Variants in VPS13C observed in about 807,000 individuals in gnomAD.
VPS13C encodes intermembrane lipid transfer protein VPS13C.
VPS13C carries 358 observed loss-of-function variants against 456.8 expected under a neutral mutation model. The ratio of observed to expected loss-of-function variants is 0.78; its 90% confidence interval spans 0.72 to 0.86. The LOEUF (loss-of-function observed/expected upper bound fraction) is 0.86, where lower values mean the gene tolerates loss of function less well. Among genes scored for constraint, VPS13C ranks in the 40% least tolerant of loss-of-function variants. VPS13C has a pLI of 0.00. For synonymous variants in VPS13C, 1,578 were observed against 1,486.7 expected, an observed-to-expected ratio of 1.06 and a Z score of -1.41; for missense variants, 4,818 against 4,385.4, an observed-to-expected ratio of 1.10 and a Z score of -2.79.
At chr15:61,941,354 ACT>A (rs2044417611) in intron 46 of VPS13C, among the ~76,000 whole-genome samples, 1 of 152,210 alleles carries the variant, frequency 6.6e-6, no homozygotes, top group South Asian at 2.1e-4. Context: ...CCTTTCGATA[ACT>A]CACTGAAAAT....
chr15:61,881,081 A>AC, intron 71 of VPS13C, 127 bp from the exon 72 acceptor site: 1 of 752,640 alleles, frequency 1.3e-6, no homozygotes, highest in East Asian at 2.9e-5. Flanking sequence ...AATTATGTTA[A>AC]TAAGATCAAA....
At chr15:62,013,224 C>A in intron 10 of VPS13C, 105 bp from the exon 11 acceptor site, 1 of 665,760 alleles carries the variant, frequency 1.5e-6, no homozygotes, top group Non-Finnish European at 2.3e-6. Context: ...ACCCAAATGC[C>A]ATTTTGAATT....
chr15:61,987,679 T>C (rs901067273), intron 18 of VPS13C, among the ~76,000 whole-genome samples: 2 of 152,102 alleles, frequency 1.3e-5, no homozygotes, highest in Non-Finnish European at 2.9e-5. Flanking sequence ...AAATGCAAAT[T>C]AAAACCACAG....
chr15:61,865,330 A>G lies in VPS13C; in HGVS notation c.10864-1802T>C, dbSNP rs1894465100. ...GTTAGTAGAATAATTTAATGTCATG[A>G]ATTAAGACGAGATAAAAACACAATG... On this transcript the variant is annotated intron_variant, in intron 81 of 84. Coordinates refer to ENST00000644861, the MANE Select transcript of VPS13C (RefSeq NM_020821.3). The G allele has an allele frequency of 8.2e-6, 8 of 979,302 alleles. No homozygotes were observed. The South Asian group carries it at 3.3e-4, about 41-fold the overall frequency. 60.7% of individuals were successfully genotyped at this position (979,302 alleles called of 1,614,324 possible). A position where few individuals can be genotyped will look rare whatever the true frequency, so the allele number is the denominator to read the frequency against.
At chr15:61,974,206 T>C (rs768841254) in intron 25 of VPS13C, 82 bp downstream of exon 25, 11 of 1,373,276 alleles carry the variant, frequency 8.0e-6, no homozygotes, top group East Asian at 2.5e-5. Context: ...CTTTCACTTA[T>C]AAACCTTGCC....
intron 24 of VPS13C, among the ~76,000 whole-genome samples, chr15:61,975,458 C>T (rs1481606835): frequency 6.6e-6 from 1 of 151,948 alleles, no homozygotes; most frequent in Non-Finnish European, 1.5e-5. Flanking sequence ...ACAGATTCTT[C>T]GTGTATTAAA....
At chr15:61,917,749 C>T in intron 59 of VPS13C, 114 bp from the exon 60 acceptor site, 3 of 1,158,172 alleles carry the variant, frequency 2.6e-6, no homozygotes, top group Admixed American at 3.0e-5. Context: ...CCTGTTTTTA[C>T]AGATATACAG....
intron 61 of VPS13C, among the ~76,000 whole-genome samples, chr15:61,914,908 A>C (rs1385927420): frequency 1.4e-5 from 2 of 142,122 alleles, no homozygotes; most frequent in African/African-American, 2.6e-5. Context: ...AAAAAAAAAA[A>C]ACCTTTAGGT....
rs1895378636 is a variant in VPS13C, at chr15:61,875,821, C to A, written c.10249G>T (p.Val3417Leu). 6.3e-7 allele frequency: 1 copy of A among 1,599,250 alleles called. No individual in the cohort carries two copies. Among genetic ancestry groups the A allele is most frequent in the Non-Finnish European group, 8.5e-7 (1 of 1,175,278 alleles). The stretch of plus-strand genomic sequence containing the variant: ...TTTCCAAGTACATCTAACCCCAATA[C>A]AAGGACATACATCTGTTTCAAGAAC... ...EQFLKQMYVL[V>L]LGLDVLGNPF... is the part of the protein sequence containing the mutation. Residue 3417 changes from valine (V) to leucine (L), a missense_variant, in exon 76 of 85, where the codon GTA becomes TTA. Coordinates refer to ENST00000644861, the MANE Select transcript of VPS13C (RefSeq NM_020821.3).
chr15:61,964,029 A>T (rs2045301506), intron 31 of VPS13C, 78 bp from the exon 32 acceptor site: 5 of 849,368 alleles, frequency 5.9e-6, no homozygotes, highest in Non-Finnish European at 9.2e-6. Context: ...TCGCTATATT[A>T]AGTGAACCAC....
intron 79 of VPS13C, among the ~76,000 whole-genome samples, chr15:61,870,248 A>C (rs1051308460): frequency 1.3e-5 from 2 of 151,416 alleles, no homozygotes; most frequent in Non-Finnish European, 2.9e-5. Context: ...GCCTCTCCCC[A>C]CCAAATCTTA....
At chr15:62,054,957 G>A (rs773520851) in intron 1 of VPS13C, among the ~76,000 whole-genome samples, 11 of 152,126 alleles carry the variant, frequency 7.2e-5, no homozygotes, top group African/African-American at 1.9e-4. Flanking sequence ...TACAGATTAC[G>A]AGAGTGAGAA....
At chr15:61,884,823 G>C (rs1175884660) in intron 67 of VPS13C, among the ~76,000 whole-genome samples, 1 of 152,066 alleles carries the variant, frequency 6.6e-6, no homozygotes, top group Non-Finnish European at 1.5e-5. Flanking sequence ...GATAGGTGCT[G>C]CCAAATACTG....
At chr15:61,909,254 C>A in intron 64 of VPS13C, 129 bp from the exon 65 acceptor site, 2 of 1,191,174 alleles carry the variant, frequency 1.7e-6, no homozygotes, top group Non-Finnish European at 2.3e-6. Flanking sequence ...GTCACCCAGG[C>A]TGGAGTACAG....
At chr15:61,968,637 T>C (rs1044464454) in intron 28 of VPS13C, among the ~76,000 whole-genome samples, 1 of 152,124 alleles carries the variant, frequency 6.6e-6, no homozygotes, top group African/African-American at 2.4e-5. Context: ...GAATAAACAA[T>C]CAGAGTTTCT....
chr15:61,880,547 A>G (rs1182651362), intron 73 of VPS13C, 62 bp downstream of exon 73: 1 of 1,162,640 alleles, frequency 8.6e-7, no homozygotes, highest in East Asian at 2.6e-5. Context: ...CTTGGTCCAC[A>G]GACCCTTTAA....
Position 61,880,956 on chromosome 15 carries a change from T to G in VPS13C, c.9777-2A>C. ...TCCTGAATGAGGACCATAAAATACC[T>G]AAGAAAAAAAATTTAAAATGGAAAA... is the stretch of plus-strand genomic sequence containing the variant. On this transcript the variant is annotated splice_acceptor_variant, in intron 71 of 84. Coordinates refer to ENST00000644861, the MANE Select transcript of VPS13C (RefSeq NM_020821.3). LOFTEE classifies it high-confidence loss of function. The G allele has an allele frequency of 6.4e-7, 1 of 1,574,638 alleles. No homozygotes were observed. Among genetic ancestry groups the G allele is most frequent in the Non-Finnish European group, 8.6e-7 (1 of 1,166,092 alleles).
At chr15:62,055,621 C>G (rs1171022615) in intron 1 of VPS13C, among the ~76,000 whole-genome samples, 1 of 151,936 alleles carries the variant, frequency 6.6e-6, no homozygotes, top group Non-Finnish European at 1.5e-5. Context: ...TGATGTTTTC[C>G]AAATCATGTT....
Position 61,961,612 on chromosome 15 carries a change from C to G in VPS13C, c.3885G>C (p.Gln1295His). ...ACCTATAAAGTGTAAGCTTTGTTAGCTGCACATCCATTCTATCAATTACTG... is the reference window on the plus strand; with the variant it reads ...ACCTATAAAGTGTAAGCTTTGTTAGGTGCACATCCATTCTATCAATTACTG... The part of the protein sequence containing the change: ...NPPVIDRMDV[Q>H]LTKLTLYRTV... The change falls in exon 35 of 85, where the codon CAG becomes CAC. Residue 1295 changes from glutamine (Q) to histidine (H), a missense_variant. Gln to His is a conservative substitution (Grantham distance 24). Around this residue, in one of 3 missense-constraint regions of VPS13C, gnomAD observed 4,552 missense variants for 4,130.6 expected, o/e 1.10. Coordinates refer to ENST00000644861, the MANE Select transcript of VPS13C (RefSeq NM_020821.3). The G allele has an allele frequency of 6.2e-7, 1 of 1,605,716 alleles. No homozygotes were observed. Among genetic ancestry groups the G allele is most frequent in the South Asian group, 1.1e-5 (1 of 89,738 alleles).
Sources: allele counts gnomAD v4.1 joint callset (sites outside exome capture counted in the v4.1 genomes callset), GRCh38; gene constraint gnomAD v4.1.1; regional missense constraint gnomAD v4.1.1; transcripts MANE v1.5; gene names NCBI Gene and HGNC (gene_info 2026-07-23, HGNC 2026-07-21).